The following RNF217 variants were observed in gnomAD, a reference collection of about 807,000 sequenced individuals.
RNF217 encodes ring finger protein 217.
RNF217 carries 31 observed loss-of-function variants against 57.8 expected under a neutral mutation model. That is an observed-to-expected ratio of 0.54 (90% CI 0.40 to 0.72). The LOEUF is 0.72. Ranked by LOEUF, RNF217 falls within the 30% of genes least tolerant of loss-of-function variation. RNF217 has a pLI of 0.00. For missense variants in RNF217, 696 were observed against 708.3 expected (o/e 0.98, Z 0.20); for synonymous variants, 313 against 294.0 (o/e 1.06, Z -0.66).
intron 1 of RNF217, among the ~76,000 whole-genome samples, chr6:125,002,241 G>A (rs1384479560): frequency 6.6e-6 from 1 of 152,154 alleles, no homozygotes; most frequent in Non-Finnish European, 1.5e-5. Context: ...GGAATCTTGT[G>A]TGGCTGCTGA....
intron 1 of RNF217, among the ~76,000 whole-genome samples, chr6:124,995,038 GA>G (rs961990750): frequency 1.3e-5 from 2 of 152,138 alleles, no homozygotes; most frequent in Non-Finnish European, 2.9e-5. Flanking sequence ...GTTCTATTAA[GA>G]AAAATTAAAA....
intron 1 of RNF217, among the ~76,000 whole-genome samples, chr6:125,042,095 T>A (rs1786904874): frequency 6.6e-6 from 1 of 152,164 alleles, no homozygotes; most frequent in Admixed American, 6.5e-5. Flanking sequence ...TTGCTAGTGA[T>A]CTTTTGAGGA....
chr6:124,997,012 C>T (rs1481936322), intron 1 of RNF217, among the ~76,000 whole-genome samples: 1 of 151,286 alleles, frequency 6.6e-6, no homozygotes, highest in Admixed American at 6.6e-5. Flanking sequence ...GTTTGTAGCA[C>T]TCCTGCAAGT....
intron 3 of RNF217, among the ~76,000 whole-genome samples, chr6:125,066,184 T>G (rs1787930927): frequency 6.6e-6 from 1 of 152,150 alleles, no homozygotes; most frequent in South Asian, 2.1e-4. Flanking sequence ...CTCTGCAGGA[T>G]TTTCATGTAC....
At chr6:125,011,443 A>G (rs1015429996) in intron 1 of RNF217, among the ~76,000 whole-genome samples, 13 of 152,150 alleles carry the variant, frequency 8.5e-5, no homozygotes, top group Non-Finnish European at 1.8e-4. Context: ...TACGTGTTCA[A>G]TTGGGTTTTA....
intron 2 of RNF217, among the ~76,000 whole-genome samples, chr6:125,049,264 C>T (rs949779544): frequency 1.4e-4 from 22 of 152,120 alleles, no homozygotes; most frequent in African/African-American, 5.3e-4. Flanking sequence ...AGCTTTTCAC[C>T]ATAGCAATTA....
intron 2 of RNF217, among the ~76,000 whole-genome samples, chr6:125,055,744 C>A (rs2114578420): frequency 6.6e-6 from 1 of 152,108 alleles, no homozygotes; most frequent in African/African-American, 2.4e-5. Flanking sequence ...TAAGGAAAAG[C>A]AATTTTTTTC....
At position 125,089,053 on chromosome 6, in the gene RNF217, T is replaced by C. The variant is rs906466281; in HGVS notation, c.*6116T>C. 3.9e-5 allele frequency: 6 copies of C among 152,616 alleles called. No individual in the cohort carries two copies. The highest frequency in any genetic ancestry group is 1.4e-4 in the African/African-American group (6 of 41,460). The allele number at this position is 152,616 out of a possible 1,614,324, so 9.5% of individuals were successfully genotyped here. A position where few individuals can be genotyped will look rare whatever the true frequency, so the allele number is the denominator to read the frequency against. On this transcript the variant is annotated 3_prime_UTR_variant, in exon 6 of 6. Transcript: ENST00000521654. ...CACTGAACGCACTCCAGAATTTAGC[T>C]CTGGTAGTGAGCATAATTTACCTTG... is the stretch of plus-strand genomic sequence containing the variant.
At chr6:125,055,049 A>C (rs910123282) in intron 2 of RNF217, among the ~76,000 whole-genome samples, 6 of 152,190 alleles carry the variant, frequency 3.9e-5, no homozygotes, top group African/African-American at 1.4e-4. Context: ...TGTTTGCGTA[A>C]GGCCAATTTT....
At chr6:125,032,470 T>C (rs778405240) in intron 1 of RNF217, among the ~76,000 whole-genome samples, 37 of 151,784 alleles carry the variant, frequency 2.4e-4, no homozygotes, top group African/African-American at 4.8e-5. Flanking sequence ...TATATAAATA[T>C]ATATATATAT....
chr6:124,979,784 G>T (rs180853223), intron 1 of RNF217, among the ~76,000 whole-genome samples: 34 of 152,326 alleles, frequency 2.2e-4, no homozygotes, highest in Non-Finnish European at 2.4e-4. Context: ...TAGCTTCTGT[G>T]TGGAGAATGA....
At chr6:125,003,213 A>G (rs1057175133) in intron 1 of RNF217, among the ~76,000 whole-genome samples, 11 of 152,174 alleles carry the variant, frequency 7.2e-5, no homozygotes, top group African/African-American at 2.7e-4. Context: ...GATTTTCAAC[A>G]TAGGATCACA....
At chr6:124,966,904 GT>G (rs917728087) in intron 1 of RNF217, among the ~76,000 whole-genome samples, 1 of 152,184 alleles carries the variant, frequency 6.6e-6, no homozygotes, top group African/African-American at 2.4e-5. Context: ...TAAAATTATA[GT>G]TTTGTTTTTC....
At chr6:125,073,734 G>A (rs1788241740) in intron 3 of RNF217, among the ~76,000 whole-genome samples, 1 of 152,070 alleles carries the variant, frequency 6.6e-6, no homozygotes, top group Non-Finnish European at 1.5e-5. Flanking sequence ...AGTAAGAAAG[G>A]GGACTGCCTG....
intron 3 of RNF217, among the ~76,000 whole-genome samples, chr6:125,064,763 T>A (rs1787870131): frequency 6.6e-6 from 1 of 152,120 alleles, no homozygotes; most frequent in Admixed American, 6.6e-5. Context: ...GTGTATATAT[T>A]ATTTTTATAT....
Position 125,076,953 on chromosome 6 carries a change from G to T in RNF217, c.1483+95G>T, listed in dbSNP as rs756548834. 448 of 1,052,476 alleles carry T rather than the reference G, an allele frequency of 4.3e-4. 6 individuals carry two copies. The highest frequency in any genetic ancestry group is 1.0e-3 in the Middle Eastern group (4 of 3,968). 65.2% of individuals were successfully genotyped at this position (1,052,476 alleles called of 1,614,324 possible). ...GCAGCCATGGTAATTCAGAGCACCT[G>T]CCATGTGCCCAGTGTTCAGAGGAGG... On this transcript the variant is annotated intron_variant, in intron 4 of 5. Coordinates refer to ENST00000521654, the MANE Select transcript of RNF217 (RefSeq NM_001286398.3).
chr6:124,971,527 C>T (rs1389498388), intron 1 of RNF217: 3 of 302,726 alleles, frequency 9.9e-6, no homozygotes, highest in South Asian at 2.7e-5. Context: ...ATGATCTCGG[C>T]TCACGGAAAC....
chr6:125,013,653 TA>T (rs1184261989), intron 1 of RNF217, among the ~76,000 whole-genome samples: 1 of 152,002 alleles, frequency 6.6e-6, no homozygotes, highest in Non-Finnish European at 1.5e-5. Flanking sequence ...AATAGCACAG[TA>T]AAAGAGAAGT....
At chr6:125,014,332 C>G (rs186421702) in intron 1 of RNF217, among the ~76,000 whole-genome samples, 5 of 152,282 alleles carry the variant, frequency 3.3e-5, no homozygotes, top group Non-Finnish European at 7.4e-5. Flanking sequence ...CTCTAAATGC[C>G]TTGCATGGAT....
Sources: gnomAD v4.1 joint callset for allele counts (sites outside exome capture counted in the v4.1 genomes callset) on GRCh38, gnomAD v4.1.1 for gene constraint, MANE v1.5 for transcripts, NCBI Gene and HGNC (gene_info 2026-07-23, HGNC 2026-07-21) for gene names.